GLIS3: variants seen among roughly 807,000 people sequenced by gnomAD.
GLIS3 encodes the protein zinc finger protein GLIS3.
In GLIS3, 53 loss-of-function variants were observed where a neutral mutation model predicts 78.6. The observed-to-expected ratio is 0.67, with a 90% confidence interval of 0.54 to 0.85. The LOEUF is 0.85. Among genes scored for constraint, GLIS3 ranks in the 40% least tolerant of loss-of-function variants. The pLI is 0.00. For missense variants in GLIS3, 1,703 were observed against 1,231.1 expected, an observed-to-expected ratio of 1.38 and a Z score of -5.74; for synonymous variants, 684 against 509.9, an observed-to-expected ratio of 1.34 and a Z score of -4.60.
intron 2 of GLIS3, among the ~76,000 whole-genome samples, chr9:4,210,806 A>T (rs1031589619): frequency 2.0e-5 from 3 of 152,234 alleles, no homozygotes; most frequent in African/African-American, 7.2e-5. Flanking sequence ...CCAATAAGCA[A>T]GTCATGGGCC....
At chr9:4,054,358 G>A (rs897007911) in intron 4 of GLIS3, 2 of 985,376 alleles carry the variant, frequency 2.0e-6, no homozygotes, top group East Asian at 1.1e-4. Context: ...GCTCTCAAAA[G>A]GCACAGAGCA....
the GLIS3 span, among the ~76,000 whole-genome samples, chr9:4,385,735 GAA>G: frequency 0.27 from 4,743 of 17,646 alleles, 1,180 homozygotes; most frequent in East Asian, 0.42. Context: ...AAGAAAGAAA[GAA>G]AAAGAAAGAA....
At chr9:4,182,496 T>C (rs1817419996) in intron 2 of GLIS3, among the ~76,000 whole-genome samples, 1 of 152,090 alleles carries the variant, frequency 6.6e-6, no homozygotes, top group Non-Finnish European at 1.5e-5. Context: ...TCAGTGACAG[T>C]ATAGGGCAGA....
the GLIS3 span, among the ~76,000 whole-genome samples, chr9:4,473,466 A>AAAAAAAAAAAAAAAAAAAAG: frequency 4.8e-4 from 65 of 135,388 alleles, no homozygotes; most frequent in Non-Finnish European, 7.6e-4. Context: ...ACAACAAAAA[A>AAAAAAAAAAAAAAAAAAAAG]AAAGGATCAT....
intron 1 of GLIS3, among the ~76,000 whole-genome samples, chr9:4,347,963 A>G (rs977251471): frequency 1.2e-4 from 19 of 152,338 alleles, no homozygotes; most frequent in African/African-American, 4.6e-4. Flanking sequence ...ATTGCCCAGG[A>G]GTACCCTCAT....
the GLIS3 span, chr9:4,386,552 AACAC>A: frequency 6.6e-6 from 1 of 152,322 alleles, no homozygotes; most frequent in South Asian, 2.1e-4. Context: ...AGAATTGGAC[AACAC>A]ACACAAAGAA....
chr9:4,019,662 T>C (rs1822713556), intron 4 of GLIS3, among the ~76,000 whole-genome samples: 1 of 151,708 alleles, frequency 6.6e-6, no homozygotes, highest in Admixed American at 6.6e-5. Flanking sequence ...AAAAGAAAAA[T>C]TAGAGTAGGG....
intron 8 of GLIS3, among the ~76,000 whole-genome samples, chr9:3,874,349 T>A (rs985994775): frequency 6.6e-6 from 1 of 152,226 alleles, no homozygotes; most frequent in African/African-American, 2.4e-5. Context: ...GCGGTAGGCC[T>A]GGAGAGGGCA....
intron 8 of GLIS3, among the ~76,000 whole-genome samples, chr9:3,857,584 C>G (rs1819873230): frequency 1.3e-5 from 2 of 152,280 alleles, no homozygotes; most frequent in South Asian, 4.1e-4. Flanking sequence ...GTAGGACTCG[C>G]TAACCTCTAG....
chr9:4,164,913 G>A (rs1432054297), intron 2 of GLIS3, among the ~76,000 whole-genome samples: 1 of 152,188 alleles, frequency 6.6e-6, no homozygotes, highest in African/African-American at 2.4e-5. Flanking sequence ...AGAGCAGCTG[G>A]AGTCTAGGGG....
In GLIS3 at chr9:3,834,753, C is replaced by G. The variant is rs182944184; in HGVS notation, c.2474-5261G>C. ...GCCACTTCAATCTTTGTGGAAGGAACCAGAATATAAATACATTAATAAGTA... is the reference window on the plus strand; with the variant it reads ...GCCACTTCAATCTTTGTGGAAGGAAGCAGAATATAAATACATTAATAAGTA... On this transcript the variant is annotated intron_variant, in intron 9 of 10. Coordinates refer to ENST00000381971, the MANE Select transcript of GLIS3 (RefSeq NM_001042413.2). Among the ~76,000 whole-genome samples the G allele has an allele frequency of 4.0e-3, 606 of 152,222 alleles. 5 individuals are homozygous for G. Among genetic ancestry groups the G allele is most frequent in the African/African-American group, 0.014 (580 of 41,532 alleles).
rs551955941 is a variant in GLIS3 at position 4,083,007 on chromosome 9, A to G, written c.1710+34761T>C. Among the ~76,000 whole-genome samples the G allele has an allele frequency of 3.0e-3, 458 of 152,294 alleles. 2 individuals are homozygous for G. The highest frequency in any genetic ancestry group is 4.5e-3 in the Non-Finnish European group (303 of 68,016). On this transcript the variant is annotated intron_variant, in intron 4 of 10. Transcript: ENST00000381971. ...GTTCTCTGCAAGTGCCAAAGTTTTT[A>G]GAAGACCTAGGTCTGAAGTGGTGAC...
the GLIS3 span, among the ~76,000 whole-genome samples, chr9:4,398,150 CA>C: frequency 3.3e-5 from 5 of 152,040 alleles, no homozygotes; most frequent in Non-Finnish European, 5.9e-5. Flanking sequence ...AGTGATTTAT[CA>C]GAATATTTTT....
At chr9:4,330,906 CT>C (rs1385377793) in intron 2 of GLIS3, among the ~76,000 whole-genome samples, 3 of 152,174 alleles carry the variant, frequency 2.0e-5, no homozygotes, top group Non-Finnish European at 4.4e-5. Context: ...AGAGCAAGCA[CT>C]GTTTGTCACT....
rs560684118 is a variant in GLIS3 at position 4,190,241 on chromosome 9, A to G, written c.389-64300T>C. On this transcript the variant is annotated intron_variant, in intron 2 of 10. Transcript: ENST00000381971. ...AGACAATCAAACTACTCCGAGCTAC[A>G]GGAGGAAATTCAAACCAAAGGCAAA... Among the ~76,000 whole-genome samples the G allele has an allele frequency of 2.1e-3, 316 of 152,330 alleles. 1 individual carries two copies. Among genetic ancestry groups the G allele is most frequent in the African/African-American group, 6.8e-3 (283 of 41,574 alleles).
the GLIS3 span, among the ~76,000 whole-genome samples, chr9:4,372,588 C>T: frequency 2.0e-5 from 3 of 151,286 alleles, no homozygotes; most frequent in South Asian, 4.2e-4. Flanking sequence ...ACAGCGCGTG[C>T]ACCTAAATTC....
intron 4 of GLIS3, among the ~76,000 whole-genome samples, chr9:4,090,535 T>A (rs1829411448): frequency 6.6e-6 from 1 of 151,880 alleles, no homozygotes; most frequent in South Asian, 2.1e-4. Context: ...AGGGAAAGCT[T>A]CCAAGTCCAC....
At chr9:4,195,886 G>A (rs900335308) in intron 2 of GLIS3, among the ~76,000 whole-genome samples, 1 of 152,258 alleles carries the variant, frequency 6.6e-6, no homozygotes, top group Admixed American at 6.5e-5. Flanking sequence ...GAACTTTTAT[G>A]TCTAGCTAGA....
At chr9:4,388,556 A>G in the GLIS3 span, among the ~76,000 whole-genome samples, 2 of 152,048 alleles carry the variant, frequency 1.3e-5, no homozygotes, top group Admixed American at 1.3e-4. Flanking sequence ...TGTGCCTGTA[A>G]TCCCAGCTAC....
Sources: allele counts gnomAD v4.1 joint callset (sites outside exome capture counted in the v4.1 genomes callset), GRCh38; gene constraint gnomAD v4.1.1; transcripts MANE v1.5; gene names NCBI Gene and HGNC (gene_info 2026-07-23, HGNC 2026-07-21).